SGCZ: variants seen among roughly 807,000 people sequenced by gnomAD.
The protein encoded by SGCZ is sarcoglycan zeta.
In SGCZ, 40 loss-of-function variants were observed where a neutral mutation model predicts 41.3. The ratio of observed to expected loss-of-function variants is 0.97; its 90% CI spans 0.75 to 1.26. The LOEUF (loss-of-function observed/expected upper bound fraction) is 1.26. Ranked by LOEUF, SGCZ falls within the 50% of genes most tolerant of loss-of-function variation. The pLI is 0.00. For missense variants in SGCZ, 552 were observed against 369.8 expected, an observed-to-expected ratio of 1.49 and a Z score of -4.04; for synonymous variants, 206 against 137.5, an observed-to-expected ratio of 1.50 and a Z score of -3.49.
At chr8:15,228,041 A>G (rs1200503415) in intron 1 of SGCZ, among the ~76,000 whole-genome samples, 1 of 152,236 alleles carries the variant, frequency 6.6e-6, no homozygotes, top group Non-Finnish European at 1.5e-5. Context: ...GAAATATGGA[A>G]CAGATGTTTG....
intron 3 of SGCZ, among the ~76,000 whole-genome samples, chr8:14,308,436 C>T (rs973527459): frequency 1.3e-5 from 2 of 151,908 alleles, no homozygotes; most frequent in African/African-American, 4.8e-5. Context: ...GAGTGTACGA[C>T]AAGAAAAGCA....
intron 2 of SGCZ, among the ~76,000 whole-genome samples, chr8:14,388,050 T>A (rs536377577): frequency 6.6e-6 from 1 of 152,052 alleles, no homozygotes; most frequent in Non-Finnish European, 1.5e-5. Context: ...GTATGGTCTT[T>A]AGTAGGAGTA....
At chr8:14,879,382 C>A (rs1306118069) in intron 1 of SGCZ, 1 of 151,808 alleles carries the variant, frequency 6.6e-6, no homozygotes. Context: ...AACAACAAAA[C>A]AAAAGAAAAC....
chr8:14,647,393 GAAGAA>G (rs1220952519), intron 1 of SGCZ, among the ~76,000 whole-genome samples: 3 of 152,036 alleles, frequency 2.0e-5, no homozygotes, highest in Non-Finnish European at 4.4e-5. Flanking sequence ...TTATAAATAG[GAAGAA>G]AAGACTAAAA....
At chr8:14,507,436 A>T (rs780119121) in intron 2 of SGCZ, among the ~76,000 whole-genome samples, 2 of 152,194 alleles carry the variant, frequency 1.3e-5, no homozygotes, top group Non-Finnish European at 2.9e-5. Flanking sequence ...AGATACAATG[A>T]TCTACACAAT....
At chr8:14,370,052 T>C (rs899287127) in intron 2 of SGCZ, among the ~76,000 whole-genome samples, 2 of 152,034 alleles carry the variant, frequency 1.3e-5, no homozygotes, top group East Asian at 3.8e-4. Flanking sequence ...AAAGATCTAC[T>C]TACTTCTGAT....
intron 1 of SGCZ, among the ~76,000 whole-genome samples, chr8:15,127,261 AAC>A (rs376177614): frequency 3.6e-4 from 20 of 55,434 alleles, no homozygotes; most frequent in African/African-American, 1.4e-3. Flanking sequence ...CACACAAACA[AAC>A]ACACACACAC....
intron 1 of SGCZ, among the ~76,000 whole-genome samples, chr8:15,075,933 CA>C (rs1361403751): frequency 5.3e-4 from 73 of 138,224 alleles, no homozygotes; most frequent in Middle Eastern, 3.8e-3. Flanking sequence ...TATCCCAGAC[CA>C]AAAAAAAAAA....
intron 2 of SGCZ, among the ~76,000 whole-genome samples, chr8:14,399,896 T>C (rs1469349356): frequency 1.3e-5 from 2 of 152,110 alleles, no homozygotes; most frequent in African/African-American, 2.4e-5. Flanking sequence ...TAATGTTTAG[T>C]ATACTTCCAA....
chr8:14,102,279 G>C (rs1802053858), intron 7 of SGCZ, 97 bp downstream of exon 7: 4 of 1,216,400 alleles, frequency 3.3e-6, no homozygotes, highest in Non-Finnish European at 4.3e-6. Context: ...TCTACTGAAA[G>C]ATATTCCTTC....
At chr8:14,211,987 C>T (rs189365178) in intron 4 of SGCZ, among the ~76,000 whole-genome samples, 8 of 152,212 alleles carry the variant, frequency 5.3e-5, no homozygotes, top group African/African-American at 1.7e-4. Flanking sequence ...AATGGGAACC[C>T]CTTCTTTGAA....
intron 5 of SGCZ, among the ~76,000 whole-genome samples, chr8:14,122,829 T>TATC (rs10658484): frequency 0.6 from 91,169 of 151,652 alleles, 27,884 homozygotes; most frequent in East Asian, 0.8. Flanking sequence ...TGGGAAACAT[T>TATC]ATCACATCTT....
At chr8:15,117,345 C>T (rs557357238) in intron 1 of SGCZ, among the ~76,000 whole-genome samples, 4 of 151,286 alleles carry the variant, frequency 2.6e-5, no homozygotes, top group Non-Finnish European at 4.4e-5. Flanking sequence ...GGCGACAGAG[C>T]GAGACTCCAT....
At chr8:15,229,157 A>G (rs1362881204) in intron 1 of SGCZ, among the ~76,000 whole-genome samples, 1 of 152,122 alleles carries the variant, frequency 6.6e-6, no homozygotes, top group African/African-American at 2.4e-5. Context: ...GTGCCACTAT[A>G]CTCCAGCCTG....
intron 2 of SGCZ, among the ~76,000 whole-genome samples, chr8:14,505,024 T>G (rs1802264036): frequency 6.6e-6 from 1 of 152,034 alleles, no homozygotes; most frequent in Non-Finnish European, 1.5e-5. Context: ...GATATAAAAT[T>G]TATTAAATTA....
chr8:14,219,574 C>T (rs1262048445), intron 4 of SGCZ, among the ~76,000 whole-genome samples: 1 of 152,080 alleles, frequency 6.6e-6, no homozygotes, highest in African/African-American at 2.4e-5. Flanking sequence ...TGATGAAACC[C>T]CGTCTCTACT....
intron 1 of SGCZ, among the ~76,000 whole-genome samples, chr8:14,973,739 G>C (rs1463447338): frequency 6.6e-6 from 1 of 152,122 alleles, no homozygotes; most frequent in African/African-American, 2.4e-5. Context: ...ATTTGATAAA[G>C]GGTATTTTTA....
intron 1 of SGCZ, among the ~76,000 whole-genome samples, chr8:15,188,615 T>C (rs1252142286): frequency 1.3e-5 from 2 of 152,172 alleles, no homozygotes; most frequent in Non-Finnish European, 2.9e-5. Flanking sequence ...ATTCCTGTTG[T>C]GCTTGTTTTA....
rs552831138 is a variant in SGCZ at position 14,563,886 on chromosome 8, T to A, written c.40-8960A>T. ...GAAAAATATAATTGATATAATTTTTTAAAAATATTACATTTAACAATTTAT... is the reference window on the plus strand; with the variant it reads ...GAAAAATATAATTGATATAATTTTTAAAAAATATTACATTTAACAATTTAT... On this transcript the variant is annotated intron_variant, in intron 1 of 7. Transcript: ENST00000382080. 3.9e-5 allele frequency among the ~76,000 whole-genome samples: 6 copies of A among 152,282 alleles called. No individual in the cohort carries two copies. In the South Asian group the frequency reaches 6.2e-4, roughly 16 times the overall value.
Sources: gnomAD v4.1 joint callset for allele counts (sites outside exome capture counted in the v4.1 genomes callset) on GRCh38, gnomAD v4.1.1 for gene constraint, MANE v1.5 for transcripts, NCBI Gene and HGNC (gene_info 2026-07-23, HGNC 2026-07-21) for gene names.